The following PUF60 variants were observed in gnomAD, a reference collection of about 807,000 sequenced individuals.
PUF60 encodes the protein poly(U) binding splicing factor 60.
PUF60 carries 10 observed loss-of-function variants against 61.8 expected under a neutral mutation model. The observed-to-expected ratio is 0.16, with a 90% CI of 0.10 to 0.27. The LOEUF (loss-of-function observed/expected upper bound fraction) is 0.27. Among genes scored for constraint, PUF60 ranks in the 10% least tolerant of loss-of-function variants. The pLI is 1.00. For synonymous variants in PUF60, 353 were observed against 300.9 expected, an observed-to-expected ratio of 1.17 and a Z score of -1.79; for missense variants, 371 against 754.0, an observed-to-expected ratio of 0.49 and a Z score of 5.95.
rs1293804804 is a variant in PUF60, at chr8:143,816,823, T to C, written c.1381-4A>G. 6 of 1,611,456 alleles carry C rather than the reference T, an allele frequency of 3.7e-6. No individual in the cohort carries two copies. The highest frequency in any genetic ancestry group is 5.1e-6 in the Non-Finnish European group (6 of 1,178,662). On this transcript the variant is annotated splice_region_variant and splice_polypyrimidine_tract_variant and intron_variant, in intron 11 of 11. Transcript: ENST00000526683. Reference sequence around the variant, plus strand: ...TGCGCAGAACCATCACTGTAGACTGTGGGGCAGGGCCGAGGGGAAGACAGC... The same window carrying C: ...TGCGCAGAACCATCACTGTAGACTGCGGGGCAGGGCCGAGGGGAAGACAGC...
Position 143,828,598 on chromosome 8 carries a change from TG to T in PUF60, c.24+681del, listed in dbSNP as rs1426359651. ...GGCGCCCAGCAAATGGCACCCTGGG[TG>T]GGAACTGGCTTCTGGTGCGCACTAG... On this transcript the variant is annotated intron_variant, in intron 1 of 11. Transcript: ENST00000526683. Among the ~76,000 whole-genome samples, 12 of 152,290 alleles carry T rather than the reference TG, an allele frequency of 7.9e-5. No individual in the cohort carries two copies. The East Asian group carries it at 2.3e-3, about 29-fold the overall frequency.
Position 143,821,759 on chromosome 8 carries a change from T to C in PUF60, c.207+59A>G, listed in dbSNP as rs532713640. ...ACAGGCCTGCCCCGCACCCCGCCCC[T>C]GCCCCTGCCCCCAGTTGACTGTCCC... On this transcript the variant is annotated intron_variant, in intron 3 of 11. Transcript: ENST00000526683. 1,135 of 908,134 alleles carry C rather than the reference T, an allele frequency of 1.2e-3. 17 individuals are homozygous for C. The Admixed American group carries it at 0.02, about 16-fold the overall frequency. 56.3% of individuals were successfully genotyped at this position (908,134 alleles called of 1,614,324 possible).
intron 1 of PUF60, chr8:143,827,633 A>G: frequency 2.8e-6 from 1 of 353,264 alleles, no homozygotes; most frequent in Non-Finnish European, 5.6e-6. Context: ...CATCCCAATG[A>G]TTAAAAGAGG....
chr8:143,822,173 G>A (rs1170486322), intron 2 of PUF60, among the ~76,000 whole-genome samples: 2 of 152,074 alleles, frequency 1.3e-5, no homozygotes, highest in Non-Finnish European at 2.9e-5. Context: ...GCCTCCTCGG[G>A]AACCACCAAG....
chr8:143,824,252 A>AGGCGGGCG (rs574616059), intron 2 of PUF60, 61 bp downstream of exon 2: 61 of 1,471,692 alleles, frequency 4.1e-5, no homozygotes, highest in East Asian at 3.2e-4. Context: ...ACGCACAGGC[A>AGGCGGGCG]GGCGGGCGGG....
At chr8:143,828,430 G>A (rs553623739) in intron 1 of PUF60, among the ~76,000 whole-genome samples, 2 of 152,374 alleles carry the variant, frequency 1.3e-5, no homozygotes, top group Admixed American at 6.5e-5. Context: ...GTGGTGAGAA[G>A]GAAAGACCAG....
intron 4 of PUF60, among the ~76,000 whole-genome samples, chr8:143,820,936 G>A (rs1345665586): frequency 6.6e-6 from 1 of 152,142 alleles, no homozygotes; most frequent in South Asian, 2.1e-4. Context: ...GGGGCAGAAA[G>A]GAAGGGAGGG....
In PUF60 at chr8:143,818,186, G is replaced by C; in HGVS notation, c.603+7C>G. The C allele has an allele frequency of 6.2e-7, 1 of 1,608,962 alleles. No homozygotes were observed. Among genetic ancestry groups the C allele is most frequent in the African/African-American group, 1.3e-5 (1 of 74,850 alleles). On this transcript the variant is annotated splice_region_variant and intron_variant, in intron 7 of 11. Transcript: ENST00000526683. This position sits in a 1 kb window ranked among gnomAD's most constrained non-coding sequence, Gnocchi z 7.9. ...TGCGGGATCGAGGCCTTGGCTCCCT[G>C]CCTCACCTTGATGTTCCTGCCCCCC... is the stretch of plus-strand genomic sequence containing the variant.
chr8:143,824,022 C>G (rs945018252), intron 2 of PUF60, among the ~76,000 whole-genome samples: 10 of 152,382 alleles, frequency 6.6e-5, no homozygotes, highest in African/African-American at 2.4e-4. Flanking sequence ...CTCCAGGCCC[C>G]GGCGTCCCCG....
At position 143,820,548 on chromosome 8, in the gene PUF60, C is replaced by G; in HGVS notation, c.348+118G>C. 4 of 1,203,846 alleles carry G rather than the reference C, an allele frequency of 3.3e-6. No individual in the cohort carries two copies. In the East Asian group the frequency reaches 9.3e-5, roughly 28 times the overall value. 74.6% of individuals were successfully genotyped at this position (1,203,846 alleles called of 1,614,324 possible). A position where few individuals can be genotyped will look rare whatever the true frequency, so the allele number is the denominator to read the frequency against. On this transcript the variant is annotated intron_variant, in intron 5 of 11. Coordinates refer to ENST00000526683, the MANE Select transcript of PUF60 (RefSeq NM_078480.3). ...CGCCTGGCGCTCTGCTGCGCTCGTC[C>G]AGAGCTGGCGGGCAGGGCCGGCCAG... is the stretch of plus-strand genomic sequence containing the variant.
intron 2 of PUF60, 97 bp downstream of exon 2, chr8:143,824,216 C>G: frequency 7.6e-7 from 1 of 1,317,552 alleles, no homozygotes; most frequent in Non-Finnish European, 1.0e-6. Context: ...CGCCCCGCCC[C>G]CAGCCAGCCC....
At chr8:143,824,057 C>T (rs1398424407) in intron 2 of PUF60, among the ~76,000 whole-genome samples, 3 of 152,278 alleles carry the variant, frequency 2.0e-5, no homozygotes, top group African/African-American at 4.8e-5. Context: ...CAACAGGCCC[C>T]GCCTGGTGCT....
At position 143,821,916 on chromosome 8, in the gene PUF60, G is replaced by A. The variant is rs1474011854; in HGVS notation, c.112-3C>T. 4 of 1,591,588 alleles carry A rather than the reference G, an allele frequency of 2.5e-6. No individual in the cohort carries two copies. The East Asian group carries it at 6.7e-5, about 27-fold the overall frequency. ...TCCATCTTGATGGAGTCTGTGCCCTGGTAAGGGAGCAGGGGAATCCATCAG... is the reference window on the plus strand; with the variant it reads ...TCCATCTTGATGGAGTCTGTGCCCTAGTAAGGGAGCAGGGGAATCCATCAG... On this transcript the variant is annotated splice_polypyrimidine_tract_variant and splice_region_variant and intron_variant, in intron 2 of 11. Transcript: ENST00000526683.
At position 143,829,266 on chromosome 8, in the gene PUF60, G is replaced by A. The variant is rs782367157; in HGVS notation, c.24+14C>T. Reference sequence around the variant, plus strand: ...AGCCGAGGGCCGCCCGCGCTCATGGGGGGGCTCACTTACGAGAGCTATGGT... The same window carrying A: ...AGCCGAGGGCCGCCCGCGCTCATGGAGGGGCTCACTTACGAGAGCTATGGT... On this transcript the variant is annotated intron_variant, in intron 1 of 11. Coordinates refer to ENST00000526683, the MANE Select transcript of PUF60 (RefSeq NM_078480.3). The A allele has an allele frequency of 1.2e-5, 15 of 1,257,216 alleles. No individual in the cohort carries two copies. Among genetic ancestry groups the A allele is most frequent in the Admixed American group, 8.0e-5 (2 of 25,140 alleles). 77.9% of individuals were successfully genotyped at this position (1,257,216 alleles called of 1,614,324 possible).
In PUF60 at chr8:143,817,240, G is replaced by A. The variant is rs985756437; in HGVS notation, c.1144+91C>T. 6.6e-6 allele frequency: 10 copies of A among 1,524,770 alleles called. No homozygotes were observed. In the Admixed American group the frequency reaches 1.5e-4, roughly 23 times the overall value. The allele number at this position is 1,524,770 out of a possible 1,614,324, so 94.5% of individuals were successfully genotyped here. On this transcript the variant is annotated intron_variant, in intron 10 of 11. Coordinates refer to ENST00000526683, the MANE Select transcript of PUF60 (RefSeq NM_078480.3). This position sits in a 1 kb window ranked among gnomAD's most constrained non-coding sequence, Gnocchi z 7.4. ...GCCTGCCCTGGGCTCAGAGGGTTGT[G>A]CCCAGACCACCAGGGCCAGGCAGCT...
intron 5 of PUF60, among the ~76,000 whole-genome samples, chr8:143,819,795 T>C (rs1816807231): frequency 6.6e-6 from 1 of 151,768 alleles, no homozygotes; most frequent in Admixed American, 6.6e-5. Flanking sequence ...CAGGTCATGG[T>C]TCCCCCAAGA....
At chr8:143,828,855 C>T (rs1563849439) in intron 1 of PUF60, 1 of 910,744 alleles carries the variant, frequency 1.1e-6, no homozygotes, top group Non-Finnish European at 1.3e-6. Flanking sequence ...CCCCTTTCTA[C>T]AGGTCCCGTC....
chr8:143,826,756 G>A (rs1234330957), intron 1 of PUF60, among the ~76,000 whole-genome samples: 1 of 152,182 alleles, frequency 6.6e-6, no homozygotes, highest in Non-Finnish European at 1.5e-5. Context: ...TGGAGCGAAT[G>A]ACTGAAGGTC....
chr8:143,821,870 G>A lies in PUF60; in HGVS notation c.155C>T (p.Ala52Val). Residue 52 changes from alanine (A) to valine (V), a missense_variant, in exon 3 of 12, where the codon GCC (alanine) becomes GTC (valine). This residue lies in a region of PUF60 where 16 missense variants were observed against 26.9 expected (regional missense o/e 0.60). Coordinates refer to ENST00000526683, the MANE Select transcript of PUF60 (RefSeq NM_078480.3). Reference sequence around the variant, plus strand: ...CGTCAGGGGAGGCAGCCCCAGCTTGGCGGCTGTGCTCTGCCCGTTCTCCAT... The same window carrying A: ...CGTCAGGGGAGGCAGCCCCAGCTTGACGGCTGTGCTCTGCCCGTTCTCCAT... Reference protein sequence around the residue: ...IKMENGQSTAAKLGLPPLTPE... With the variant: ...IKMENGQSTAVKLGLPPLTPE... 6.2e-7 allele frequency: 1 copy of A among 1,610,246 alleles called. No individual in the cohort carries two copies. The highest frequency in any genetic ancestry group is 8.5e-7 in the Non-Finnish European group (1 of 1,179,302).
Sources: gnomAD v4.1 joint callset for allele counts (sites outside exome capture counted in the v4.1 genomes callset) on GRCh38, gnomAD v4.1.1 for gene constraint, gnomAD v4.1.1 regional missense constraint, Gnocchi (gnomAD v3.1) non-coding constraint, MANE v1.5 for transcripts, NCBI Gene and HGNC (gene_info 2026-07-23, HGNC 2026-07-21) for gene names.